FLT3: variants seen among roughly 807,000 people sequenced by gnomAD.
The protein encoded by FLT3 is fms related receptor tyrosine kinase 3, also known as receptor-type tyrosine-protein kinase FLT3.
Under a neutral mutation model 126.6 loss-of-function variants are expected in FLT3, and 46 were observed. The observed-to-expected ratio is 0.36, with a 90% CI of 0.29 to 0.46. The LOEUF is 0.46. Ranked by LOEUF, FLT3 falls within the 20% of genes least tolerant of loss-of-function variation. The probability of loss-of-function intolerance (pLI) is 1.00; values close to 1 mark genes in which losing one functional copy is unlikely to be tolerated. For missense variants in FLT3, 1,069 were observed against 1,190.3 expected, an observed-to-expected ratio of 0.90 and a Z score of 1.50; for synonymous variants, 404 against 434.4, an observed-to-expected ratio of 0.93 and a Z score of 0.87.
intron 7 of FLT3, 43 bp downstream of exon 7, chr13:28,049,592 T>C (rs769621719): frequency 1.9e-6 from 3 of 1,613,244 alleles, no homozygotes; most frequent in Non-Finnish European, 2.5e-6. Flanking sequence ...AGACTATTAG[T>C]TAATTGTTCC....
rs1872561483 is a variant in FLT3, at chr13:28,023,362, C to T, written c.2406G>A (p.Leu802=). The T allele has an allele frequency of 3.7e-6, 6 of 1,612,476 alleles. No individual in the cohort carries two copies. Among genetic ancestry groups the T allele is most frequent in the Non-Finnish European group, 5.1e-6 (6 of 1,179,466 alleles). ...AYQVAKGMEF[L]EFKSCVHRDL... is the part of the protein sequence containing the mutation. ...AAAAGGAGCATACCGACTTAAATTCCAGAAATTCCATTCCTTTGGCAACTT... is the reference window on the plus strand; with the variant it reads ...AAAAGGAGCATACCGACTTAAATTCTAGAAATTCCATTCCTTTGGCAACTT... The change falls in exon 19 of 24, where the codon CTG becomes CTA. Residue 802 remains leucine (L), a synonymous_variant. Transcript: ENST00000241453.
intron 9 of FLT3, among the ~76,000 whole-genome samples, chr13:28,046,303 G>C (rs1489170245): frequency 1.3e-5 from 2 of 152,116 alleles, no homozygotes; most frequent in Non-Finnish European, 2.9e-5. Flanking sequence ...GTCCCAACAA[G>C]GGACTTTTAG....
chr13:28,044,312 G>C (rs1874666495), intron 9 of FLT3, among the ~76,000 whole-genome samples: 1 of 151,660 alleles, frequency 6.6e-6, no homozygotes, highest in Non-Finnish European at 1.5e-5. Context: ...TAGCTGGGCA[G>C]GGTGGCACAT....
chr13:28,066,441 A>G (rs1179203229), intron 2 of FLT3, among the ~76,000 whole-genome samples: 2 of 152,202 alleles, frequency 1.3e-5, no homozygotes, highest in Non-Finnish European at 2.9e-5. Flanking sequence ...GCAAGAAAAG[A>G]AAAATACAAG....
chr13:28,064,226 A>T (rs964748721), intron 2 of FLT3, among the ~76,000 whole-genome samples: 1 of 152,224 alleles, frequency 6.6e-6, no homozygotes, highest in Admixed American at 6.5e-5. Context: ...GAACCAAAAC[A>T]CAGTAGACAA....
chr13:28,062,294 G>A (rs755484712), intron 2 of FLT3, among the ~76,000 whole-genome samples: 7 of 151,990 alleles, frequency 4.6e-5, no homozygotes, highest in South Asian at 4.2e-4. Context: ...AATGTTGTAC[G>A]GACTGTCATG....
intron 17 of FLT3, 114 bp downstream of exon 17, chr13:28,026,974 G>C (rs1363274987): frequency 1.2e-6 from 1 of 833,820 alleles, no homozygotes; most frequent in African/African-American, 1.7e-5. Flanking sequence ...CTAGGTTGCA[G>C]GACCCACAGA....
rs1297435648 is a variant in FLT3, at chr13:28,062,204, G to A, written c.166-135C>T. ...ACACCCACACAAGCTGGAACCCACT[G>A]AGAACACGTTGCCGACTGAAGGTCC... is the stretch of plus-strand genomic sequence containing the variant. On this transcript the variant is annotated intron_variant, in intron 2 of 23. Coordinates refer to ENST00000241453, the MANE Select transcript of FLT3 (RefSeq NM_004119.3). 4.6e-5 allele frequency: 29 copies of A among 635,616 alleles called. 1 individual carries two copies. In the East Asian group the frequency reaches 6.4e-4, roughly 14 times the overall value. The allele number at this position is 635,616 out of a possible 1,614,324, so 39.4% of individuals were successfully genotyped here.
Position 28,100,359 on chromosome 13 carries a change from C to A in FLT3, c.43+109G>T. On this transcript the variant is annotated intron_variant, in intron 1 of 23. Coordinates refer to ENST00000241453, the MANE Select transcript of FLT3 (RefSeq NM_004119.3). This position sits in a 1 kb window ranked among gnomAD's most constrained non-coding sequence, Gnocchi z 4.8. Reference sequence around the variant, plus strand: ...CGGGAGGCAATGGAAGGAGCGAGCGCGGGGAGGAGCGAGGCGGCTGGGCCG... The same window carrying A: ...CGGGAGGCAATGGAAGGAGCGAGCGAGGGGAGGAGCGAGGCGGCTGGGCCG... 1.4e-6 allele frequency: 1 copy of A among 735,514 alleles called. No homozygotes were observed. The highest frequency in any genetic ancestry group is 1.8e-6 in the Non-Finnish European group (1 of 544,934). 45.6% of individuals were successfully genotyped at this position (735,514 alleles called of 1,614,324 possible).
chr13:28,019,985 A>G (rs1872237860), intron 19 of FLT3, among the ~76,000 whole-genome samples: 1 of 151,996 alleles, frequency 6.6e-6, no homozygotes, highest in East Asian at 1.9e-4. Context: ...CCTATTTCCA[A>G]CCCAAACATT....
chr13:28,018,538 C>T lies in FLT3; in HGVS notation c.2470G>A (p.Val824Met), dbSNP rs769394501. Reference sequence around the variant, plus strand: ...AATCCAAAGTCACATATCTTCACCACTTTCCCGTGGGTGACAAGCACGTTC... The same window carrying T: ...AATCCAAAGTCACATATCTTCACCATTTTCCCGTGGGTGACAAGCACGTTC... ...ARNVLVTHGK[V>M]VKICDFGLAR... The change falls in exon 20 of 24, where the codon GTG becomes ATG. Residue 824 changes from valine to methionine, a missense_variant. Coordinates refer to ENST00000241453, the MANE Select transcript of FLT3 (RefSeq NM_004119.3). 6.8e-6 allele frequency: 11 copies of T among 1,614,088 alleles called. No homozygotes were observed. In the Admixed American group the frequency reaches 1.8e-4, roughly 27 times the overall value.
chr13:28,048,857 G>A (rs551979011), intron 8 of FLT3, among the ~76,000 whole-genome samples: 1 of 152,306 alleles, frequency 6.6e-6, no homozygotes, highest in South Asian at 2.1e-4. Flanking sequence ...GAGCATCGCT[G>A]TATTTCTCGG....
intron 2 of FLT3, among the ~76,000 whole-genome samples, chr13:28,069,174 T>A (rs997576103): frequency 2.0e-5 from 3 of 151,854 alleles, no homozygotes; most frequent in Admixed American, 1.3e-4. Flanking sequence ...ACCTCTGAGA[T>A]GAATTGTAGC....
chr13:28,032,603 G>A (rs915103896), intron 15 of FLT3, among the ~76,000 whole-genome samples: 1 of 152,126 alleles, frequency 6.6e-6, no homozygotes, highest in Non-Finnish European at 1.5e-5. Context: ...GAGCAAGGCT[G>A]TGTTTCAAAA....
intron 15 of FLT3, among the ~76,000 whole-genome samples, chr13:28,032,999 G>C (rs555695957): frequency 6.6e-6 from 1 of 152,218 alleles, no homozygotes; most frequent in African/African-American, 2.4e-5. Flanking sequence ...ATGGAGCAAC[G>C]AAGTGAGGAT....
In FLT3 at chr13:28,024,971, T is replaced by G. The variant is rs746432469; in HGVS notation, c.2208-28A>C. On this transcript the variant is annotated intron_variant, in intron 17 of 23. Transcript: ENST00000241453. Reference sequence around the variant, plus strand: ...ATTAAAAAATTTTGTTTTTTCATTATTTACATTATTCTTCTCAGCAGACAT... The same window carrying G: ...ATTAAAAAATTTTGTTTTTTCATTAGTTACATTATTCTTCTCAGCAGACAT... 28 of 1,240,082 alleles carry G rather than the reference T, an allele frequency of 2.3e-5. No individual in the cohort carries two copies. The South Asian group carries it at 3.3e-4, about 14-fold the overall frequency. 76.8% of individuals were successfully genotyped at this position (1,240,082 alleles called of 1,614,324 possible).
chr13:28,014,683 G>C, intron 22 of FLT3, 126 bp from the exon 23 acceptor site: 1 of 646,722 alleles, frequency 1.5e-6, no homozygotes. Flanking sequence ...TTTGTTTTGT[G>C]GCAAGTCCTC....
intron 1 of FLT3, among the ~76,000 whole-genome samples, chr13:28,082,005 A>G (rs9554243): frequency 0.53 from 79,639 of 150,496 alleles, 22,487 homozygotes; most frequent in East Asian, 0.73. Flanking sequence ...ACAGGTGCCC[A>G]CCATCATGCC....
chr13:28,082,497 G>A (rs956544340), intron 1 of FLT3, among the ~76,000 whole-genome samples: 1 of 151,370 alleles, frequency 6.6e-6, no homozygotes, highest in Non-Finnish European at 1.5e-5. Flanking sequence ...CTCACTCCAG[G>A]AGGAATTTTT....
Sources: allele counts gnomAD v4.1 joint callset (sites outside exome capture counted in the v4.1 genomes callset), GRCh38; gene constraint gnomAD v4.1.1; non-coding constraint Gnocchi (gnomAD v3.1); transcripts MANE v1.5; gene names NCBI Gene and HGNC (gene_info 2026-07-23, HGNC 2026-07-21).